UBE2E2: variants seen among roughly 807,000 people sequenced by gnomAD.
UBE2E2 encodes ubiquitin-conjugating enzyme E2 E2.
UBE2E2 carries 6 observed loss-of-function variants against 24.7 expected under a neutral mutation model. The observed-to-expected ratio is 0.24, with a 90% CI of 0.13 to 0.48. The LOEUF (loss-of-function observed/expected upper bound fraction) is 0.48. Ranked by LOEUF, UBE2E2 falls within the 20% of genes least tolerant of loss-of-function variation. The pLI, the probability that UBE2E2 is intolerant of heterozygous loss-of-function variation, is 0.99. For synonymous variants in UBE2E2, 104 were observed against 83.6 expected (o/e 1.24, Z -1.33); for missense variants, 169 against 245.0 (o/e 0.69, Z 2.07).
chr3:23,475,085 T>C (rs1251266942), intron 3 of UBE2E2, among the ~76,000 whole-genome samples: 1 of 152,040 alleles, frequency 6.6e-6, no homozygotes, highest in Non-Finnish European at 1.5e-5. Flanking sequence ...GTGCTCCTTC[T>C]CTCAGCTTCT....
chr3:23,228,027 A>G (rs1696871922), intron 3 of UBE2E2, among the ~76,000 whole-genome samples: 3 of 152,344 alleles, frequency 2.0e-5, no homozygotes, highest in South Asian at 2.1e-4. Context: ...AACTTTATGT[A>G]TAATAGTTTG....
chr3:23,323,732 A>T, intron 3 of UBE2E2: 1 of 229,890 alleles, frequency 4.3e-6, no homozygotes, highest in South Asian at 4.3e-5. Context: ...CTTTTAGCAA[A>T]CTCCTGTCCT....
At chr3:23,449,458 G>T (rs996651884) in intron 3 of UBE2E2, among the ~76,000 whole-genome samples, 1 of 152,130 alleles carries the variant, frequency 6.6e-6, no homozygotes, top group African/African-American at 2.4e-5. Context: ...AATTCGGATG[G>T]GGTAAGAATG....
At chr3:23,574,844 T>C (rs1696310705) in intron 5 of UBE2E2, among the ~76,000 whole-genome samples, 1 of 152,226 alleles carries the variant, frequency 6.6e-6, no homozygotes, top group Non-Finnish European at 1.5e-5. Flanking sequence ...CCAGATGTGC[T>C]ACACTTTATG....
At chr3:23,478,670 T>C (rs1699188345) in intron 3 of UBE2E2, among the ~76,000 whole-genome samples, 1 of 152,160 alleles carries the variant, frequency 6.6e-6, no homozygotes. Flanking sequence ...TTTACTAAAA[T>C]AGCAAATTCA....
chr3:23,456,005 C>CG (rs1444708294), intron 3 of UBE2E2, among the ~76,000 whole-genome samples: 2 of 152,212 alleles, frequency 1.3e-5, no homozygotes, highest in African/African-American at 4.8e-5. Context: ...AACTCTGCCA[C>CG]GGCTTTATCA....
chr3:23,351,967 G>T (rs1217331291), intron 3 of UBE2E2, among the ~76,000 whole-genome samples: 1 of 152,034 alleles, frequency 6.6e-6, no homozygotes, highest in South Asian at 2.1e-4. Flanking sequence ...TTGCAAAATT[G>T]ACCACATAAT....
At chr3:23,355,867 C>T (rs1181335135) in intron 3 of UBE2E2, among the ~76,000 whole-genome samples, 1 of 152,196 alleles carries the variant, frequency 6.6e-6, no homozygotes, top group African/African-American at 2.4e-5. Flanking sequence ...TTCGTACATA[C>T]CTCTCTCTAA....
At chr3:23,563,598 C>T (rs1026890925) in intron 5 of UBE2E2, among the ~76,000 whole-genome samples, 1 of 152,028 alleles carries the variant, frequency 6.6e-6, no homozygotes, top group Non-Finnish European at 1.5e-5. Context: ...TTAGTGTGCT[C>T]AGCAAGTCAT....
At chr3:23,272,358 G>A (rs552078756) in intron 3 of UBE2E2, among the ~76,000 whole-genome samples, 7 of 151,986 alleles carry the variant, frequency 4.6e-5, no homozygotes, top group African/African-American at 9.6e-5. Flanking sequence ...AGCAACGCAC[G>A]CAGCCCGGGT....
intron 3 of UBE2E2, among the ~76,000 whole-genome samples, chr3:23,406,246 T>G (rs575888886): frequency 8.5e-5 from 13 of 152,328 alleles, no homozygotes; most frequent in Admixed American, 8.5e-4. Flanking sequence ...CTTGCTGCCT[T>G]CCTTTTCTGA....
At chr3:23,330,361 T>C (rs1490260055) in intron 3 of UBE2E2, among the ~76,000 whole-genome samples, 2 of 152,222 alleles carry the variant, frequency 1.3e-5, no homozygotes, top group Non-Finnish European at 2.9e-5. Flanking sequence ...TTTTATTGTA[T>C]GGAAGTAAAC....
At chr3:23,410,330 G>C (rs1292934835) in intron 3 of UBE2E2, among the ~76,000 whole-genome samples, 5 of 151,934 alleles carry the variant, frequency 3.3e-5, no homozygotes, top group Non-Finnish European at 5.9e-5. Context: ...TAACCTTTAG[G>C]CTATCTTTTC....
In UBE2E2 at chr3:23,346,512, T is replaced by C. The variant is rs200967819; in HGVS notation, c.227+129200T>C. Among the ~76,000 whole-genome samples, 20 of 152,350 alleles carry C rather than the reference T, an allele frequency of 1.3e-4. No individual in the cohort carries two copies. The East Asian group carries it at 3.7e-3, about 28-fold the overall frequency. On this transcript the variant is annotated intron_variant, in intron 3 of 5. Coordinates refer to ENST00000396703, the MANE Select transcript of UBE2E2 (RefSeq NM_152653.4). ...AGACATGATGCTGTTTTGACCGATATTGGTGACATTTTAAAAGCTACACAA... is the reference window on the plus strand; with the variant it reads ...AGACATGATGCTGTTTTGACCGATACTGGTGACATTTTAAAAGCTACACAA...
chr3:23,514,704 A>G (rs994142096), intron 4 of UBE2E2, among the ~76,000 whole-genome samples: 7 of 152,076 alleles, frequency 4.6e-5, no homozygotes, highest in African/African-American at 1.7e-4. Flanking sequence ...AAAAGTGGTT[A>G]AAGAACTTCA....
intron 5 of UBE2E2, among the ~76,000 whole-genome samples, chr3:23,553,311 C>CT (rs2125499804): frequency 7.0e-6 from 1 of 142,924 alleles, no homozygotes; most frequent in Non-Finnish European, 1.6e-5. Flanking sequence ...TTTATGACCT[C>CT]TAAAAAAAAA....
At chr3:23,360,858 C>T (rs896256946) in intron 3 of UBE2E2, among the ~76,000 whole-genome samples, 1 of 151,274 alleles carries the variant, frequency 6.6e-6, no homozygotes, top group Non-Finnish European at 1.5e-5. Context: ...AACTAAAAAG[C>T]TTCTGCACAC....
chr3:23,221,258 G>C (rs891453668), intron 3 of UBE2E2, among the ~76,000 whole-genome samples: 2 of 152,158 alleles, frequency 1.3e-5, no homozygotes, highest in Non-Finnish European at 2.9e-5. Context: ...TCTGCTCATG[G>C]AACACTGGCG....
At chr3:23,329,587 A>G (rs1254214274) in intron 3 of UBE2E2, among the ~76,000 whole-genome samples, 1 of 152,362 alleles carries the variant, frequency 6.6e-6, no homozygotes, top group East Asian at 1.9e-4. Flanking sequence ...ATTGGTATGC[A>G]AGCTAATTAG....
Sources: gnomAD v4.1 joint callset for allele counts (sites outside exome capture counted in the v4.1 genomes callset) on GRCh38, gnomAD v4.1.1 for gene constraint, MANE v1.5 for transcripts, NCBI Gene and HGNC (gene_info 2026-07-23, HGNC 2026-07-21) for gene names.